MKLN1: variants seen among roughly 807,000 people sequenced by gnomAD.
MKLN1 encodes muskelin.
A neutral mutation model predicts 99.0 loss-of-function variants in MKLN1; 18 were observed. The observed-to-expected ratio is 0.18, with a 90% confidence interval of 0.13 to 0.27. MKLN1 has a LOEUF of 0.27. Ranked by LOEUF, MKLN1 falls within the 10% of genes least tolerant of loss-of-function variation. The pLI is 1.00. For missense variants in MKLN1, 621 were observed against 875.9 expected (o/e 0.71, Z 3.67); for synonymous variants, 288 against 293.2 (o/e 0.98, Z 0.18).
At chr7:131,448,932 G>A (rs182054282) in intron 12 of MKLN1, among the ~76,000 whole-genome samples, 1 of 152,180 alleles carries the variant, frequency 6.6e-6, no homozygotes, top group Admixed American at 6.5e-5. Context: ...ATTATTTTAG[G>A]CACTTGGGAT....
intron 2 of MKLN1, among the ~76,000 whole-genome samples, chr7:131,190,166 C>T (rs1796513507): frequency 6.6e-6 from 1 of 152,146 alleles, no homozygotes; most frequent in Admixed American, 6.5e-5. Context: ...CCAGCTGCCA[C>T]TGGAAAGATG....
intron 5 of MKLN1, 36 bp downstream of exon 5, chr7:131,397,412 A>G (rs560542247): frequency 3.2e-5 from 34 of 1,057,596 alleles, no homozygotes; most frequent in African/African-American, 1.9e-4. Context: ...TTTAATGCCT[A>G]TAAAAGGAGA....
intron 17 of MKLN1, among the ~76,000 whole-genome samples, chr7:131,482,227 C>T (rs1350438552): frequency 6.6e-6 from 1 of 152,142 alleles, no homozygotes; most frequent in Non-Finnish European, 1.5e-5. Context: ...CAGGATCTTG[C>T]TCTGATACTT....
chr7:131,484,890 T>C (rs762658702), intron 17 of MKLN1, among the ~76,000 whole-genome samples: 2 of 151,920 alleles, frequency 1.3e-5, no homozygotes, highest in Non-Finnish European at 2.9e-5. Flanking sequence ...AGAAAGGAGA[T>C]ATGGAATGGA....
intron 2 of MKLN1, among the ~76,000 whole-genome samples, chr7:131,198,664 A>G (rs1405731235): frequency 1.3e-5 from 2 of 152,240 alleles, no homozygotes; most frequent in Admixed American, 1.3e-4. Context: ...TTTGAAAATT[A>G]CTTAGCTAAT....
At chr7:131,178,489 T>G (rs1288183764) in intron 2 of MKLN1, among the ~76,000 whole-genome samples, 1 of 151,918 alleles carries the variant, frequency 6.6e-6, no homozygotes, top group Non-Finnish European at 1.5e-5. Context: ...AAAAAAAATC[T>G]GGACACACTG....
At chr7:131,400,518 A>ATATATATATATAT (rs1554567982) in intron 6 of MKLN1, among the ~76,000 whole-genome samples, 246 of 137,398 alleles carry the variant, frequency 1.8e-3, no homozygotes, top group Non-Finnish European at 2.8e-3. Flanking sequence ...ATAAAAAAAA[A>ATATATATATATAT]ATATATATAT....
chr7:131,311,026 A>G (rs1164938432), intron 3 of MKLN1: 1 of 152,042 alleles, frequency 6.6e-6, no homozygotes, highest in Admixed American at 6.6e-5. Context: ...ATAAAAAGTC[A>G]GCAAATCTTT....
intron 3 of MKLN1, among the ~76,000 whole-genome samples, chr7:131,302,010 AT>A (rs1798383143): frequency 6.6e-6 from 1 of 152,232 alleles, no homozygotes; most frequent in Admixed American, 6.5e-5. Context: ...GAAAAGTTTA[AT>A]TGACAATGCC....
chr7:131,159,015 A>G (rs1796008652), intron 2 of MKLN1, among the ~76,000 whole-genome samples: 1 of 151,836 alleles, frequency 6.6e-6, no homozygotes, highest in Admixed American at 6.6e-5. Flanking sequence ...ACATGGTGAA[A>G]CCTTGTCTCT....
chr7:131,420,163 C>T (rs1795147728), intron 8 of MKLN1, among the ~76,000 whole-genome samples: 1 of 149,980 alleles, frequency 6.7e-6, no homozygotes, highest in African/African-American at 2.5e-5. Flanking sequence ...GTGTTGTGCA[C>T]ATGTACCCTA....
upstream of MKLN1, among the ~76,000 whole-genome samples, chr7:131,325,443 C>A (rs984020083): frequency 3.9e-5 from 6 of 152,130 alleles, no homozygotes; most frequent in African/African-American, 1.4e-4. Context: ...GTAATCCCAG[C>A]ACTTTGGGAG....
intron 2 of MKLN1, among the ~76,000 whole-genome samples, chr7:131,386,213 C>T (rs1391434643): frequency 6.6e-6 from 1 of 152,018 alleles, no homozygotes; most frequent in East Asian, 1.9e-4. Flanking sequence ...GGGGTTTCAC[C>T]ATGTTGGCCA....
intron 12 of MKLN1, among the ~76,000 whole-genome samples, chr7:131,460,895 C>T (rs761145301): frequency 1.3e-5 from 2 of 152,178 alleles, no homozygotes; most frequent in South Asian, 2.1e-4. Context: ...CTACCACTTA[C>T]GAAAGTAATT....
chr7:131,184,871 T>C (rs942097770), intron 2 of MKLN1, among the ~76,000 whole-genome samples: 1 of 152,156 alleles, frequency 6.6e-6, no homozygotes, highest in Non-Finnish European at 1.5e-5. Flanking sequence ...GGTTCACCAG[T>C]ATTATGGATG....
At chr7:131,421,306 GC>G in intron 8 of MKLN1, among the ~76,000 whole-genome samples, 1 of 152,200 alleles carries the variant, frequency 6.6e-6, no homozygotes, top group South Asian at 2.1e-4. Flanking sequence ...AGGTACCATA[GC>G]CCTGTTATTG....
intron 12 of MKLN1, among the ~76,000 whole-genome samples, chr7:131,448,931 G>C (rs12672606): frequency 0.38 from 57,303 of 151,960 alleles, 11,675 homozygotes; most frequent in Non-Finnish European, 0.46. Context: ...GATTATTTTA[G>C]GCACTTGGGA....
intron 1 of MKLN1, among the ~76,000 whole-genome samples, chr7:131,362,423 T>C (rs2116805911): frequency 6.6e-6 from 1 of 152,172 alleles, no homozygotes; most frequent in East Asian, 1.9e-4. Flanking sequence ...TGACTTGATA[T>C]TTCTATCTGG....
chr7:131,272,185 T>G (rs1584881735), intron 3 of MKLN1, among the ~76,000 whole-genome samples: 1 of 152,172 alleles, frequency 6.6e-6, no homozygotes, highest in African/African-American at 2.4e-5. Flanking sequence ...GGACCCTGGG[T>G]GGAAGGCTAC....
Sources: gnomAD v4.1 joint callset for allele counts (sites outside exome capture counted in the v4.1 genomes callset) on GRCh38, gnomAD v4.1.1 for gene constraint, MANE v1.5 for transcripts, NCBI Gene and HGNC (gene_info 2026-07-23, HGNC 2026-07-21) for gene names.